The following CCDC91 variants were observed in gnomAD, a reference collection of about 807,000 sequenced individuals.
CCDC91 encodes coiled-coil domain containing 91, also known as coiled-coil domain-containing protein 91.
A neutral mutation model predicts 63.2 loss-of-function variants in CCDC91; 48 were observed. That is an observed-to-expected ratio of 0.76 (90% confidence interval 0.60 to 0.97). The LOEUF (loss-of-function observed/expected upper bound fraction) is 0.97, where lower values mean the gene tolerates loss of function less well. Ranked by LOEUF, CCDC91 falls within the 50% of genes least tolerant of loss-of-function variation. The pLI is 0.00. For missense variants in CCDC91, 500 were observed against 494.6 expected (o/e 1.01, Z -0.10); for synonymous variants, 167 against 165.8 (o/e 1.01, Z -0.06).
chr12:28,272,455 T>C (rs528439618), intron 3 of CCDC91, among the ~76,000 whole-genome samples: 1 of 146,856 alleles, frequency 6.8e-6, no homozygotes, highest in Non-Finnish European at 1.5e-5. Context: ...AAACTCTCTC[T>C]ACTATGTCCA....
At chr12:28,366,797 G>T (rs1944303764) in intron 7 of CCDC91, among the ~76,000 whole-genome samples, 1 of 152,102 alleles carries the variant, frequency 6.6e-6, no homozygotes, top group Non-Finnish European at 1.5e-5. Context: ...TGGATGGTTT[G>T]TGGGGAACAA....
chr12:28,487,182 T>G (rs905236707), intron 12 of CCDC91, among the ~76,000 whole-genome samples: 4 of 151,906 alleles, frequency 2.6e-5, no homozygotes, highest in African/African-American at 9.6e-5. Flanking sequence ...TGTAGGAAAT[T>G]TATTACTTCC....
intron 7 of CCDC91, among the ~76,000 whole-genome samples, chr12:28,379,303 G>C (rs1053910111): frequency 6.6e-6 from 1 of 151,928 alleles, no homozygotes; most frequent in South Asian, 2.1e-4. Context: ...TGACAAATGG[G>C]ATCTAATTAA....
chr12:28,336,307 C>G (rs1345669628), intron 6 of CCDC91, among the ~76,000 whole-genome samples: 1 of 151,964 alleles, frequency 6.6e-6, no homozygotes, highest in Admixed American at 6.5e-5. Context: ...CATAGGTACT[C>G]TAATCAGAAT....
chr12:28,374,095 A>C (rs1374239337), intron 7 of CCDC91, among the ~76,000 whole-genome samples: 1 of 152,166 alleles, frequency 6.6e-6, no homozygotes. Context: ...TACTTAACAG[A>C]TGACATTCTG....
At chr12:28,242,363 A>G (rs1379750553) in intron 1 of CCDC91, among the ~76,000 whole-genome samples, 1 of 152,208 alleles carries the variant, frequency 6.6e-6, no homozygotes, top group African/African-American at 2.4e-5. Flanking sequence ...TTAACAAGTT[A>G]GCTATTCTGT....
intron 11 of CCDC91, among the ~76,000 whole-genome samples, chr12:28,468,768 G>T (rs1484404768): frequency 1.3e-5 from 2 of 151,992 alleles, no homozygotes; most frequent in Admixed American, 1.3e-4. Flanking sequence ...CCTTTGGGAT[G>T]CAAGGACGGT....
chr12:28,465,333 T>G (rs1265383525), intron 11 of CCDC91, among the ~76,000 whole-genome samples: 1 of 152,096 alleles, frequency 6.6e-6, no homozygotes, highest in African/African-American at 2.4e-5. Context: ...CCTTGCCACC[T>G]CCTAATTGTA....
chr12:28,228,814 G>C (rs1944425246), intron 1 of CCDC91, among the ~76,000 whole-genome samples: 1 of 152,048 alleles, frequency 6.6e-6, no homozygotes, highest in Non-Finnish European at 1.5e-5. Context: ...CTTTAACTTT[G>C]ATTGTCTCCA....
chr12:28,525,553 G>A lies in CCDC91; in HGVS notation c.1216-23510G>A, dbSNP rs140072292. Among the ~76,000 whole-genome samples the A allele has an allele frequency of 3.2e-4, 48 of 152,216 alleles. No individual in the cohort carries two copies. In the East Asian group the frequency reaches 8.9e-3, roughly 28 times the overall value. On this transcript the variant is annotated intron_variant, in intron 12 of 12. Transcript: ENST00000536442. ...TATCTTGGAGAAAGTTCCATGCACT[G>A]TTGATTAGAATGTATATTCTGTGGT...
intron 8 of CCDC91, among the ~76,000 whole-genome samples, chr12:28,395,560 A>C (rs1946238257): frequency 6.6e-6 from 1 of 152,192 alleles, no homozygotes; most frequent in South Asian, 2.1e-4. Flanking sequence ...GTTTGTCATA[A>C]AGGATACAAC....
intron 7 of CCDC91, among the ~76,000 whole-genome samples, chr12:28,370,621 A>C (rs1255186026): frequency 6.6e-6 from 1 of 152,144 alleles, no homozygotes; most frequent in Non-Finnish European, 1.5e-5. Flanking sequence ...AGGTGTCTTT[A>C]TAGCAGCTCC....
At chr12:28,486,043 A>T (rs1390235209) in intron 12 of CCDC91, among the ~76,000 whole-genome samples, 1 of 152,142 alleles carries the variant, frequency 6.6e-6, no homozygotes. Context: ...ATACTTTATC[A>T]TTGACTATAG....
chr12:28,423,891 A>T (rs1312429408), intron 8 of CCDC91, among the ~76,000 whole-genome samples: 1 of 152,218 alleles, frequency 6.6e-6, no homozygotes, highest in Non-Finnish European at 1.5e-5. Context: ...TCTGCATATC[A>T]TACTTCTAAA....
At position 28,420,483 on chromosome 12, in the gene CCDC91, T is replaced by C. The variant is rs539768592; in HGVS notation, c.762+29072T>C. Reference sequence around the variant, plus strand: ...ATTAGAGGAATTGTTATATGCCATCTGTATGTATCAGACACTACTGAGTGC... The same window carrying C: ...ATTAGAGGAATTGTTATATGCCATCCGTATGTATCAGACACTACTGAGTGC... On this transcript the variant is annotated intron_variant, in intron 8 of 12. Coordinates refer to ENST00000536442, the MANE Select transcript of CCDC91 (RefSeq NM_018318.5). 7.2e-5 allele frequency among the ~76,000 whole-genome samples: 11 copies of C among 152,320 alleles called. 1 individual carries two copies. In the South Asian group the frequency reaches 1.7e-3, roughly 23 times the overall value.
At chr12:28,546,034 A>T (rs1942967183) in intron 12 of CCDC91, among the ~76,000 whole-genome samples, 1 of 152,090 alleles carries the variant, frequency 6.6e-6, no homozygotes, top group Non-Finnish European at 1.5e-5. Flanking sequence ...TAAAGCTAGC[A>T]CATATGTTAT....
intron 6 of CCDC91, among the ~76,000 whole-genome samples, chr12:28,346,154 C>T (rs1942796072): frequency 6.6e-6 from 1 of 152,144 alleles, no homozygotes; most frequent in Non-Finnish European, 1.5e-5. Context: ...AGCTGTGAAT[C>T]TCAAGTGTCC....
intron 6 of CCDC91, among the ~76,000 whole-genome samples, chr12:28,335,273 T>C (rs1941862388): frequency 1.5e-5 from 2 of 136,932 alleles, no homozygotes; most frequent in Non-Finnish European, 3.1e-5. Flanking sequence ...ATATATAATA[T>C]ATAATACATA....
At chr12:28,440,464 T>C (rs1353953924) in intron 8 of CCDC91, among the ~76,000 whole-genome samples, 2 of 152,208 alleles carry the variant, frequency 1.3e-5, no homozygotes, top group East Asian at 1.9e-4. Context: ...CATTGACCTA[T>C]ATGTAAAAGC....
Sources: gnomAD v4.1 joint callset for allele counts (sites outside exome capture counted in the v4.1 genomes callset) on GRCh38, gnomAD v4.1.1 for gene constraint, MANE v1.5 for transcripts, NCBI Gene and HGNC (gene_info 2026-07-23, HGNC 2026-07-21) for gene names.